The following PHTF2 variants were observed in gnomAD, a reference collection of about 807,000 sequenced individuals.
PHTF2 encodes putative homeodomain transcription factor 2.
In PHTF2, 60 loss-of-function variants were observed where a neutral mutation model predicts 101.2. The ratio of observed to expected loss-of-function variants is 0.59; its 90% confidence interval spans 0.48 to 0.73. The LOEUF (loss-of-function observed/expected upper bound fraction) is 0.73, where lower values mean the gene tolerates loss of function less well. Ranked by LOEUF, PHTF2 falls within the 30% of genes least tolerant of loss-of-function variation. PHTF2 has a pLI of 0.00. For synonymous variants in PHTF2, 311 were observed against 307.3 expected, an observed-to-expected ratio of 1.01 and a Z score of -0.13; for missense variants, 747 against 908.7, an observed-to-expected ratio of 0.82 and a Z score of 2.29.
At chr7:77,837,580 G>GT (rs1171704854) in intron 1 of PHTF2, among the ~76,000 whole-genome samples, 1 of 151,940 alleles carries the variant, frequency 6.6e-6, no homozygotes, top group African/African-American at 2.4e-5. Context: ...CTGAAGAAAG[G>GT]TTTTTTTATT....
intron 7 of PHTF2, among the ~76,000 whole-genome samples, chr7:77,902,314 T>C (rs1801471748): frequency 6.6e-6 from 1 of 152,234 alleles, no homozygotes; most frequent in Non-Finnish European, 1.5e-5. Flanking sequence ...GAGCTGTCCT[T>C]ATACTTTATC....
intron 2 of PHTF2, among the ~76,000 whole-genome samples, chr7:77,841,748 C>G (rs1214549615): frequency 1.3e-5 from 2 of 152,024 alleles, no homozygotes; most frequent in Non-Finnish European, 2.9e-5. Context: ...TTGTTAGTGC[C>G]TCCTTTTAAA....
intron 5 of PHTF2, among the ~76,000 whole-genome samples, chr7:77,900,071 T>G (rs931252787): frequency 6.6e-6 from 1 of 152,184 alleles, no homozygotes; most frequent in Non-Finnish European, 1.5e-5. Flanking sequence ...ATTTCAAGTT[T>G]AAATGAATTC....
intron 12 of PHTF2, among the ~76,000 whole-genome samples, chr7:77,933,164 G>A (rs766129573): frequency 2.0e-5 from 3 of 152,298 alleles, no homozygotes; most frequent in Middle Eastern, 3.4e-3. Flanking sequence ...CGTGAACCCA[G>A]GAGGTAGAGC....
intron 7 of PHTF2, among the ~76,000 whole-genome samples, chr7:77,905,235 T>C (rs913862065): frequency 3.9e-5 from 6 of 152,182 alleles, no homozygotes; most frequent in African/African-American, 7.2e-5. Context: ...TATTCTATTC[T>C]GTTTTTTAGA....
chr7:77,869,761 G>T (rs1469294098), intron 3 of PHTF2, among the ~76,000 whole-genome samples: 1 of 152,154 alleles, frequency 6.6e-6, no homozygotes, highest in Non-Finnish European at 1.5e-5. Flanking sequence ...ATTTTAACTA[G>T]AGTGAGATGA....
rs1486703817 is a variant in PHTF2 at position 77,942,762 on chromosome 7, A to G, written c.1935A>G (p.Ser645=). 4 of 1,595,014 alleles carry G rather than the reference A, an allele frequency of 2.5e-6. No homozygotes were observed. The African/African-American group carries it at 4.0e-5, about 16-fold the overall frequency. The change falls in exon 16 of 20, where the codon TCA becomes TCG. Residue 645 remains serine, a synonymous_variant. Coordinates refer to ENST00000416283, the Ensembl canonical transcript of PHTF2. ...CATCTGCTTTCTTATTGACTATCTCAGTTGTATTTATCTGTTGTGCCCAGG... is the reference window on the plus strand; with the variant it reads ...CATCTGCTTTCTTATTGACTATCTCGGTTGTATTTATCTGTTGTGCCCAGG...
chr7:77,870,897 C>T (rs965075344), intron 3 of PHTF2, among the ~76,000 whole-genome samples: 4 of 152,134 alleles, frequency 2.6e-5, no homozygotes, highest in African/African-American at 9.7e-5. Context: ...GTCAATAAAT[C>T]TTTATATCAC....
intron 3 of PHTF2, among the ~76,000 whole-genome samples, chr7:77,882,062 C>A (rs982499337): frequency 6.6e-6 from 1 of 152,128 alleles, no homozygotes; most frequent in African/African-American, 2.4e-5. Flanking sequence ...GGAGCTTGAT[C>A]AGGATTCGTG....
chr7:77,872,620 A>C (rs1157898782), intron 3 of PHTF2, among the ~76,000 whole-genome samples: 1 of 152,140 alleles, frequency 6.6e-6, no homozygotes, highest in Non-Finnish European at 1.5e-5. Context: ...TAAATTTTGT[A>C]GTTGAGTGAC....
At chr7:77,901,727 A>G (rs533554168) in intron 6 of PHTF2, 35 bp from the exon 6 acceptor site, 7 of 1,252,196 alleles carry the variant, frequency 5.6e-6, no homozygotes, top group Non-Finnish European at 7.4e-6. Context: ...AATAATATAT[A>G]AATATACTCT....
chr7:77,953,775 G>A (rs1232388582), exon 19 of PHTF2: 2 of 1,612,674 alleles, frequency 1.2e-6, no homozygotes, highest in African/African-American at 2.7e-5. Context: ...CTAGGAGTTG[G>A]ACAGTCCTTT....
At chr7:77,822,561 T>C (rs1269659486) in intron 1 of PHTF2, among the ~76,000 whole-genome samples, 1 of 152,160 alleles carries the variant, frequency 6.6e-6, no homozygotes, top group African/African-American at 2.4e-5. Context: ...TGTGGGATTC[T>C]CCTGTAGTAA....
chr7:77,870,311 T>TTA (rs1164631843), intron 3 of PHTF2, among the ~76,000 whole-genome samples: 1 of 151,026 alleles, frequency 6.6e-6, no homozygotes, highest in Non-Finnish European at 1.5e-5. Flanking sequence ...TGGAAAAAAA[T>TTA]TATATATATG....
exon 20 of PHTF2, chr7:77,957,308 T>TG (rs1562986776): frequency 6.6e-6 from 1 of 152,102 alleles, no homozygotes; most frequent in African/African-American, 2.4e-5. Flanking sequence ...TAGTTAGATT[T>TG]GGGGGGAGTG....
At chr7:77,879,989 T>G (rs1799272517) in intron 3 of PHTF2, among the ~76,000 whole-genome samples, 1 of 152,208 alleles carries the variant, frequency 6.6e-6, no homozygotes, top group Non-Finnish European at 1.5e-5. Flanking sequence ...AATGTTAAAG[T>G]GATACATATT....
intron 1 of PHTF2, among the ~76,000 whole-genome samples, chr7:77,811,479 G>A (rs1004982449): frequency 6.6e-6 from 1 of 152,122 alleles, no homozygotes; most frequent in African/African-American, 2.4e-5. Context: ...TGATTCTTGT[G>A]TGAATCCATT....
rs1792795242 is a variant in PHTF2, at chr7:77,804,267, A to G, written c.-36+5296A>G. ...ATATCATTTGTTGAAAAATAAACCT[A>G]TCTTCTTGTTCCTAAATCTATTTTA... is the stretch of plus-strand genomic sequence containing the variant. On this transcript the variant is annotated intron_variant, in intron 1 of 19. Coordinates refer to ENST00000416283, the Ensembl canonical transcript of PHTF2. Among the ~76,000 whole-genome samples the G allele has an allele frequency of 2.0e-5, 3 of 152,058 alleles. No individual in the cohort carries two copies. In the South Asian group the frequency reaches 6.2e-4, roughly 31 times the overall value.
intron 1 of PHTF2, among the ~76,000 whole-genome samples, chr7:77,820,329 T>G (rs956497742): frequency 2.0e-5 from 3 of 152,138 alleles, no homozygotes; most frequent in Non-Finnish European, 4.4e-5. Flanking sequence ...AATTTATTTG[T>G]GTATAGTTGT....
Sources: allele counts gnomAD v4.1 joint callset (sites outside exome capture counted in the v4.1 genomes callset), GRCh38; gene constraint gnomAD v4.1.1; transcripts MANE v1.5; gene names NCBI Gene and HGNC (gene_info 2026-07-23, HGNC 2026-07-21).